The following PCNT variants were observed in gnomAD, a reference collection of about 807,000 sequenced individuals.
PCNT encodes the protein kendrin.
PCNT carries 319 observed loss-of-function variants against 380.4 expected under a neutral mutation model. That is an observed-to-expected ratio of 0.84 (90% CI 0.77 to 0.92). The LOEUF is 0.92. Among genes scored for constraint, PCNT ranks in the 40% least tolerant of loss-of-function variants. The probability of loss-of-function intolerance (pLI) is 0.00; values close to 1 mark genes in which losing one functional copy is unlikely to be tolerated. For missense variants in PCNT, 4,400 were observed against 4,255.3 expected (o/e 1.03, Z -0.95); for synonymous variants, 1,845 against 1,735.2 (o/e 1.06, Z -1.57).
chr21:46,425,815 C>T lies in PCNT; in HGVS notation c.7180-16C>T, dbSNP rs972844919. 46 of 1,612,784 alleles carry T rather than the reference C, an allele frequency of 2.9e-5. No homozygotes were observed. The highest frequency in any genetic ancestry group is 9.3e-5 in the African/African-American group (7 of 74,892). ...GGTGGCAGGCAACTCCCTTCTGACGCGCTTTCCCGCCACAGGCTTTACTGC... is the reference window on the plus strand; with the variant it reads ...GGTGGCAGGCAACTCCCTTCTGACGTGCTTTCCCGCCACAGGCTTTACTGC... On this transcript the variant is annotated splice_polypyrimidine_tract_variant and intron_variant, in intron 32 of 46. Transcript: ENST00000359568. This position sits in a 1 kb window ranked among gnomAD's most constrained non-coding sequence, Gnocchi z 4.2.
intron 9 of PCNT, 136 bp downstream of exon 9, chr21:46,351,676 T>C: frequency 1.4e-6 from 1 of 709,700 alleles, no homozygotes; most frequent in Non-Finnish European, 2.6e-6. Context: ...ATCCTGAAGG[T>C]TGAGGTGTCT....
Position 46,385,842 on chromosome 21 carries a change from AG to A in PCNT, c.3325del (p.Val1109PhefsTer4). 1 of 1,614,230 alleles carries A rather than the reference AG, an allele frequency of 6.2e-7. No homozygotes were observed. The highest frequency in any genetic ancestry group is 8.5e-7 in the Non-Finnish European group (1 of 1,180,030). On this transcript the variant is annotated frameshift_variant, in exon 17 of 47. Transcript: ENST00000359568. LOFTEE classifies it high-confidence loss of function. ...CATTTTTCTCGATAGCTGAAAGACC[AG>A]GTTTTATCCTTAAGTCACGAGATAG... Reference protein sequence around the residue: ...KNHQVQQLKDQVLSLSHEIEE... With the variant: ...KNHQVQQLKDXVLSLSHEIEE...
At chr21:46,342,295 C>T (rs1330761486) in intron 3 of PCNT, among the ~76,000 whole-genome samples, 1 of 151,970 alleles carries the variant, frequency 6.6e-6, no homozygotes, top group African/African-American at 2.4e-5. Context: ...TTAGTAGAGA[C>T]AGGGTTTCAC....
chr21:46,441,786 C>T (rs867277176), intron 43 of PCNT, among the ~76,000 whole-genome samples: 1 of 151,934 alleles, frequency 6.6e-6, no homozygotes, highest in Non-Finnish European at 1.5e-5. Context: ...TACCTCCTGT[C>T]GAGGAGGGGA....
chr21:46,428,551 G>T lies in PCNT; in HGVS notation c.7651G>T (p.Ala2551Ser), dbSNP rs755772629. Residue 2551 changes from alanine to serine, a missense_variant, in exon 35 of 47, where the codon GCG becomes TCG. Coordinates refer to ENST00000359568, the MANE Select transcript of PCNT (RefSeq NM_006031.6). ...HLRTALTSAE[A>S]RGSQQEHQLR... ...GCGCACGGCGCTGACAAGCGCAGAG[G>T]CGCGCGGGAGCCAGCAGGAGCACCA... 6.2e-7 allele frequency: 1 copy of T among 1,606,828 alleles called. No individual in the cohort carries two copies. Among genetic ancestry groups the T allele is most frequent in the South Asian group, 1.1e-5 (1 of 90,832 alleles).
intron 35 of PCNT, among the ~76,000 whole-genome samples, chr21:46,429,335 G>T (rs1304023097): frequency 2.0e-5 from 2 of 98,628 alleles, no homozygotes; most frequent in Non-Finnish European, 4.0e-5. Flanking sequence ...GGCATGGGGG[G>T]GCTGGCGCTG....
At chr21:46,421,519 C>G (rs2087248876) in intron 31 of PCNT, among the ~76,000 whole-genome samples, 1 of 152,192 alleles carries the variant, frequency 6.6e-6, no homozygotes, top group Non-Finnish European at 1.5e-5. Flanking sequence ...CCGCAGGGAC[C>G]CCATGGCAGG....
chr21:46,373,783 G>GCAGTGGCATGA (rs2085240768), intron 15 of PCNT, among the ~76,000 whole-genome samples: 2 of 134,910 alleles, frequency 1.5e-5, no homozygotes, highest in South Asian at 4.8e-4. Context: ...AGGCTGGAGT[G>GCAGTGGCATGA]CAGTGGCATG....
rs544642791 is a variant in PCNT, at chr21:46,435,176, C to T, written c.8752-728C>T. 2.6e-5 allele frequency among the ~76,000 whole-genome samples: 4 copies of T among 152,208 alleles called. No individual in the cohort carries two copies. The South Asian group carries it at 6.2e-4, about 24-fold the overall frequency. On this transcript the variant is annotated intron_variant, in intron 38 of 46. Coordinates refer to ENST00000359568, the MANE Select transcript of PCNT (RefSeq NM_006031.6). ...GGTCTGTGAGGGGCCTCCCCTGTAACGCGGCTGTGTGTTTTGGGCTTTTGC... is the reference window on the plus strand; with the variant it reads ...GGTCTGTGAGGGGCCTCCCCTGTAATGCGGCTGTGTGTTTTGGGCTTTTGC...
chr21:46,443,085 C>T (rs950807294), intron 44 of PCNT: 17 of 188,424 alleles, frequency 9.0e-5, no homozygotes, highest in Admixed American at 3.2e-4. Flanking sequence ...GTGCAGAGAA[C>T]GCCCCTCCCA....
At chr21:46,439,561 G>A (rs1467143662) in intron 41 of PCNT, among the ~76,000 whole-genome samples, 1 of 152,154 alleles carries the variant, frequency 6.6e-6, no homozygotes, top group Non-Finnish European at 1.5e-5. Context: ...TAAATGCCAC[G>A]TAAATAGTTG....
At chr21:46,381,962 T>G in intron 16 of PCNT, 122 bp downstream of exon 16, 1 of 1,112,464 alleles carries the variant, frequency 9.0e-7, no homozygotes, top group Non-Finnish European at 1.4e-6. Context: ...TTTATAGTGT[T>G]GTACATTCAG....
intron 31 of PCNT, chr21:46,420,826 C>T (rs1319335469): frequency 6.6e-6 from 1 of 152,218 alleles, no homozygotes; most frequent in African/African-American, 2.4e-5. Flanking sequence ...CATCCTTCAC[C>T]CTCAGAGATT....
chr21:46,366,161 C>T (rs112642672), intron 14 of PCNT, among the ~76,000 whole-genome samples: 31 of 152,360 alleles, frequency 2.0e-4, no homozygotes, highest in African/African-American at 7.5e-4. Context: ...CCATGGGCCC[C>T]CATGGGCAGT....
intron 46 of PCNT, 66 bp from the exon 47 acceptor site, chr21:46,445,217 GA>G (rs2053722537): frequency 4.6e-6 from 5 of 1,084,822 alleles, no homozygotes; most frequent in Non-Finnish European, 7.2e-6. Flanking sequence ...CAAAATTGTG[GA>G]ATTCTTTTCA....
At position 46,432,010 on chromosome 21, in the gene PCNT, C is replaced by A; in HGVS notation, c.8546C>A (p.Ala2849Asp). The change falls in exon 38 of 47, where the codon GCC becomes GAC. Residue 2849 changes from alanine (A) to aspartate (D), a missense_variant. By Grantham distance (126) the Ala-to-Asp change is moderately radical. Coordinates refer to ENST00000359568, the MANE Select transcript of PCNT (RefSeq NM_006031.6). ...VSATLKSTVE[A>D]LHTQKRELRC... is the part of the protein sequence containing the mutation. ...GCCACACTGAAGTCGACGGTGGAAG[C>A]CCTGCACACCCAAAAACGAGAGCTG... 6.2e-7 allele frequency: 1 copy of A among 1,613,838 alleles called. No individual in the cohort carries two copies. The highest frequency in any genetic ancestry group is 8.5e-7 in the Non-Finnish European group (1 of 1,180,026).
intron 39 of PCNT, 70 bp downstream of exon 39, chr21:46,436,218 G>A (rs2053442558): frequency 6.4e-6 from 10 of 1,573,188 alleles, no homozygotes; most frequent in Non-Finnish European, 7.7e-6. Flanking sequence ...CCCGGCCCGA[G>A]GGCTGGGGCG....
At chr21:46,398,558 A>G (rs1363904645) in intron 24 of PCNT, among the ~76,000 whole-genome samples, 1 of 152,244 alleles carries the variant, frequency 6.6e-6, no homozygotes, top group Non-Finnish European at 1.5e-5. Flanking sequence ...GGATCTGGTG[A>G]CGCTGCAGTG....
chr21:46,340,810 C>T (rs2083891252), intron 3 of PCNT, among the ~76,000 whole-genome samples: 1 of 152,130 alleles, frequency 6.6e-6, no homozygotes, highest in African/African-American at 2.4e-5. Flanking sequence ...GCTGGGATTA[C>T]AGGTGCCCGC....
Sources: allele counts gnomAD v4.1 joint callset (sites outside exome capture counted in the v4.1 genomes callset), GRCh38; gene constraint gnomAD v4.1.1; non-coding constraint Gnocchi (gnomAD v3.1); transcripts MANE v1.5; gene names NCBI Gene and HGNC (gene_info 2026-07-23, HGNC 2026-07-21).